Variants in STATH observed in about 807,000 individuals in gnomAD.
STATH encodes the protein statherin.
Under a neutral mutation model 13.3 loss-of-function variants are expected in STATH, and 11 were observed. The ratio of observed to expected loss-of-function variants is 0.83; its 90% CI spans 0.52 to 1.37. The LOEUF (loss-of-function observed/expected upper bound fraction) is 1.37, where lower values mean the gene tolerates loss of function less well. STATH is among the 40% of genes most tolerant of loss of function. The pLI is 0.00. For missense variants in STATH, 78 were observed against 73.3 expected (o/e 1.06, Z -0.24); for synonymous variants, 25 against 23.6 (o/e 1.06, Z -0.17).
In STATH at chr4:70,002,264, A is replaced by G. The variant is rs147898075; in HGVS notation, c.*109A>G. ...ATATCACACTACTACCACTTTTTGA[A>G]GAATCATCAAAGAGCAATGCAAATG... On this transcript the variant is annotated 3_prime_UTR_variant, in exon 6 of 6. Transcript: ENST00000246895. The G allele has an allele frequency of 4.0e-5, 6 of 151,778 alleles. No homozygotes were observed. The highest frequency in any genetic ancestry group is 8.9e-5 in the Non-Finnish European group (6 of 67,740). The allele number at this position is 151,778 out of a possible 1,614,324, so 9.4% of individuals were successfully genotyped here.
At chr4:70,000,439 T>C (rs1724626292) in intron 4 of STATH, 1 of 166,028 alleles carries the variant, frequency 6.0e-6, no homozygotes, top group Non-Finnish European at 1.3e-5. Context: ...TTAAGGAATG[T>C]AGGAATCGTA....
chr4:69,999,747 T>C (rs1724602234), intron 3 of STATH, 33 bp from the exon 4 acceptor site: 1 of 1,611,736 alleles, frequency 6.2e-7, no homozygotes, highest in Non-Finnish European at 8.5e-7. Context: ...TACATTTGTA[T>C]TGAATTATTA....
At position 70,000,990 on chromosome 4, in the gene STATH, G is replaced by T. The variant is rs765482541; in HGVS notation, c.*33+8G>T. On this transcript the variant is annotated splice_region_variant and intron_variant, in intron 5 of 5. Transcript: ENST00000246895. ...CAGGACATGATTATTGAGGTAAGATGGGTTTAGTGACATTTTTTTTACTTT... is the reference window on the plus strand; with the variant it reads ...CAGGACATGATTATTGAGGTAAGATTGGTTTAGTGACATTTTTTTTACTTT... 24 of 1,561,462 alleles carry T rather than the reference G, an allele frequency of 1.5e-5. No individual in the cohort carries two copies. The East Asian group carries it at 4.9e-4, about 32-fold the overall frequency.
intron 4 of STATH, 43 bp downstream of exon 4, chr4:69,999,852 GTTCTCTGATTACTTA>G (rs1319520115): frequency 6.2e-7 from 1 of 1,601,278 alleles, no homozygotes; most frequent in African/African-American, 1.3e-5. Context: ...AATAAATTGT[GTTCTCTGATTACTTA>G]TTCTTCTAGA....
rs754303898 is a variant in STATH, at chr4:70,000,976, T to A, written c.*27T>A. 1 of 1,590,544 alleles carries A rather than the reference T, an allele frequency of 6.3e-7. No individual in the cohort carries two copies. Among genetic ancestry groups the A allele is most frequent in the Non-Finnish European group, 8.6e-7 (1 of 1,159,086 alleles). On this transcript the variant is annotated 3_prime_UTR_variant, in exon 5 of 6. Coordinates refer to ENST00000246895, the MANE Select transcript of STATH (RefSeq NM_003154.3). ...ATCATCAGTAACTGCAGGACATGAT[T>A]ATTGAGGTAAGATGGGTTTAGTGAC...
Position 70,000,969 on chromosome 4 carries a change from A to G in STATH, c.*20A>G. ...TTTTAATATCATCAGTAACTGCAGG[A>G]CATGATTATTGAGGTAAGATGGGTT... On this transcript the variant is annotated 3_prime_UTR_variant, in exon 5 of 6. Transcript: ENST00000246895. The G allele has an allele frequency of 6.3e-7, 1 of 1,598,104 alleles. No homozygotes were observed. Among genetic ancestry groups the G allele is most frequent in the Non-Finnish European group, 8.6e-7 (1 of 1,165,994 alleles).
At chr4:69,996,526 T>TA (rs1232509510) in intron 1 of STATH, among the ~76,000 whole-genome samples, 3 of 152,304 alleles carry the variant, frequency 2.0e-5, no homozygotes, top group African/African-American at 7.2e-5. Flanking sequence ...TTCTGCATAA[T>TA]AAAAAATGTT....
At chr4:70,000,776 C>G in intron 4 of STATH, 87 bp from the exon 5 acceptor site, 1 of 974,542 alleles carries the variant, frequency 1.0e-6, no homozygotes, top group Non-Finnish European at 1.6e-6. Context: ...GTTCCTAAAA[C>G]TTTAACAATC....
At chr4:69,998,026 T>C (rs1354433420) in intron 1 of STATH, among the ~76,000 whole-genome samples, 3 of 152,134 alleles carry the variant, frequency 2.0e-5, no homozygotes, top group African/African-American at 7.2e-5. Context: ...TGCTCCAGTT[T>C]TATCTTCCCT....
At position 70,002,226 on chromosome 4, in the gene STATH, C is replaced by G. The variant is rs1010449576; in HGVS notation, c.*71C>G. 6.6e-6 allele frequency: 1 copy of G among 151,316 alleles called. No homozygotes were observed. Among genetic ancestry groups the G allele is most frequent in the African/African-American group, 2.4e-5 (1 of 41,272 alleles). 9.4% of individuals were successfully genotyped at this position (151,316 alleles called of 1,614,324 possible). A position where few individuals can be genotyped will look rare whatever the true frequency, so the allele number is the denominator to read the frequency against. ...AATACGACTTCTACATCCATATTCT[C>G]ATCTTTCATACCATATCACACTACT... On this transcript the variant is annotated 3_prime_UTR_variant, in exon 6 of 6. Transcript: ENST00000246895.
intron 1 of STATH, among the ~76,000 whole-genome samples, chr4:69,997,643 A>G (rs920970795): frequency 2.0e-5 from 3 of 152,206 alleles, no homozygotes; most frequent in African/African-American, 7.2e-5. Flanking sequence ...ATAACATATC[A>G]CAGTCCCAGA....
intron 1 of STATH, among the ~76,000 whole-genome samples, chr4:69,997,916 C>T (rs1363317528): frequency 3.3e-5 from 5 of 152,080 alleles, no homozygotes; most frequent in Non-Finnish European, 2.9e-5. Context: ...TACACTGTAC[C>T]TTAAATATCA....
chr4:69,999,567 C>A (rs893888580), intron 2 of STATH, 100 bp from the exon 3 acceptor site: 4 of 1,165,968 alleles, frequency 3.4e-6, no homozygotes, highest in Non-Finnish European at 3.7e-6. Flanking sequence ...TTGCCTACAT[C>A]CTGTTTACTC....
chr4:70,002,118 G>A (rs553069152), intron 5 of STATH, 71 bp from the exon 6 acceptor site: 38 of 151,380 alleles, frequency 2.5e-4, no homozygotes, highest in South Asian at 8.3e-4. Flanking sequence ...TCTGTACCAG[G>A]CCAGAATATA....
intron 4 of STATH, 161 bp from the exon 5 acceptor site, chr4:70,000,702 G>C: frequency 1.7e-6 from 1 of 599,694 alleles, no homozygotes; most frequent in Non-Finnish European, 3.0e-6. Context: ...TTTAAAATGT[G>C]TTTATAACCA....
intron 1 of STATH, among the ~76,000 whole-genome samples, chr4:69,996,374 A>T (rs1481249852): frequency 6.6e-6 from 1 of 152,180 alleles, no homozygotes; most frequent in Non-Finnish European, 1.5e-5. Flanking sequence ...TCATATTTTA[A>T]GAAAATAGCA....
At chr4:70,000,385 C>G (rs1170695428) in intron 4 of STATH, 1 of 160,806 alleles carries the variant, frequency 6.2e-6, no homozygotes, top group East Asian at 1.8e-4. Flanking sequence ...AAAAGATACT[C>G]TAAAAGGGAT....
intron 5 of STATH, 39 bp downstream of exon 5, chr4:70,001,021 T>A: frequency 1.4e-6 from 2 of 1,393,310 alleles, no homozygotes; most frequent in Admixed American, 3.4e-5. Flanking sequence ...ACTTTCTGTA[T>A]CAGTGCTGAC....
chr4:69,996,927 C>CT (rs34282662), intron 1 of STATH, among the ~76,000 whole-genome samples: 231 of 107,584 alleles, frequency 2.1e-3, no homozygotes, highest in African/African-American at 5.3e-3. Context: ...CAGAAATTTC[C>CT]TTTTTTTTTT....
Sources: gnomAD v4.1 joint callset for allele counts (sites outside exome capture counted in the v4.1 genomes callset) on GRCh38, gnomAD v4.1.1 for gene constraint, MANE v1.5 for transcripts, NCBI Gene and HGNC (gene_info 2026-07-23, HGNC 2026-07-21) for gene names.